The following ELOVL2 variants were observed in gnomAD, a reference collection of about 807,000 sequenced individuals.
ELOVL2 encodes the protein very long chain fatty acid elongase 2.
In ELOVL2, 38 loss-of-function variants were observed where a neutral mutation model predicts 37.7. That is an observed-to-expected ratio of 1.01 (90% CI 0.78 to 1.32). The LOEUF (loss-of-function observed/expected upper bound fraction) is 1.32, where lower values mean the gene tolerates loss of function less well. ELOVL2 is among the 40% of genes most tolerant of loss of function. The pLI is 0.00. For missense variants in ELOVL2, 352 were observed against 363.6 expected, an observed-to-expected ratio of 0.97 and a Z score of 0.26; for synonymous variants, 115 against 122.3, an observed-to-expected ratio of 0.94 and a Z score of 0.40.
chr6:11,025,096 A>G (rs936099745), intron 1 of ELOVL2, among the ~76,000 whole-genome samples: 19 of 152,122 alleles, frequency 1.2e-4, no homozygotes, highest in Non-Finnish European at 1.0e-4. Context: ...CAACGGCGTA[A>G]TCTCATAAAT....
chr6:11,020,338 C>T (rs1782747873), intron 1 of ELOVL2, among the ~76,000 whole-genome samples: 2 of 152,250 alleles, frequency 1.3e-5, no homozygotes, highest in African/African-American at 4.8e-5. Context: ...AAATTTTCAT[C>T]AAATACTTAT....
At chr6:10,992,124 A>C (rs1455947314) in intron 5 of ELOVL2, among the ~76,000 whole-genome samples, 2 of 152,346 alleles carry the variant, frequency 1.3e-5, no homozygotes, top group East Asian at 3.9e-4. Context: ...AACTAAACTC[A>C]AGAAATGGAT....
intron 1 of ELOVL2, among the ~76,000 whole-genome samples, chr6:11,033,054 C>G (rs1017676134): frequency 6.6e-6 from 1 of 152,122 alleles, no homozygotes; most frequent in Non-Finnish European, 1.5e-5. Context: ...GCCTTTTCTT[C>G]GACCAGTCCC....
rs758207633 is a variant in ELOVL2 at position 11,000,089 on chromosome 6, G to A, written c.331C>T (p.Arg111Trp). Residue 111 changes from arginine to tryptophan, a missense_variant and splice_region_variant, in exon 4 of 8, where the codon CGG becomes TGG. Physicochemically the swap from Arg to Trp is moderately radical, Grantham distance 101. Coordinates refer to ENST00000354666, the MANE Select transcript of ELOVL2 (RefSeq NM_017770.4). ...TTGATTTGCTTCTAGTGGCTCACCC[G>A]GATGTCAGCTTCCCCTGCGCTGGTA... Reference protein sequence around the residue: ...DLTSAGEADIRVAKVLWWYYF... With the variant: ...DLTSAGEADIWVAKVLWWYYF... 1.5e-5 allele frequency: 24 copies of A among 1,613,810 alleles called. No homozygotes were observed. The highest frequency in any genetic ancestry group is 1.3e-4 in the East Asian group (6 of 44,890).
intron 4 of ELOVL2, among the ~76,000 whole-genome samples, chr6:10,995,444 C>G (rs1387698014): frequency 6.6e-6 from 1 of 152,116 alleles, no homozygotes; most frequent in Non-Finnish European, 1.5e-5. Context: ...TTCATGACTC[C>G]TGGCTTGAAC....
chr6:11,034,874 G>A (rs563586022), intron 1 of ELOVL2, among the ~76,000 whole-genome samples: 6 of 147,240 alleles, frequency 4.1e-5, no homozygotes, highest in East Asian at 2.1e-4. Context: ...GTGGTGGCAT[G>A]CGCCTGTAAT....
chr6:10,999,964 AT>A lies in ELOVL2; in HGVS notation c.333+122del, dbSNP rs1782350612. The A allele has an allele frequency of 7.3e-6, 6 of 818,582 alleles. No homozygotes were observed. In the South Asian group the frequency reaches 9.6e-5, roughly 13 times the overall value. 50.7% of individuals were successfully genotyped at this position (818,582 alleles called of 1,614,324 possible). ...ATCATCTTTGTTACCAAGCATTTCT[AT>A]TAGAACAGGAACCCCTTTCTTATCT... On this transcript the variant is annotated intron_variant, in intron 4 of 7. Coordinates refer to ENST00000354666, the MANE Select transcript of ELOVL2 (RefSeq NM_017770.4).
chr6:10,998,029 C>T (rs557569912), intron 4 of ELOVL2, among the ~76,000 whole-genome samples: 20 of 152,090 alleles, frequency 1.3e-4, no homozygotes, highest in African/African-American at 3.4e-4. Context: ...GGCTTGGTGC[C>T]CCTCCTGTGG....
intron 7 of ELOVL2, among the ~76,000 whole-genome samples, chr6:10,987,493 T>C (rs1490454074): frequency 6.6e-6 from 1 of 152,232 alleles, no homozygotes; most frequent in Non-Finnish European, 1.5e-5. Context: ...TTTAGTACTA[T>C]AAATTTCCCT....
intron 1 of ELOVL2, among the ~76,000 whole-genome samples, chr6:11,042,370 C>T (rs1276198454): frequency 6.7e-6 from 1 of 150,232 alleles, no homozygotes; most frequent in Admixed American, 6.7e-5. Context: ...AAAAAAAATT[C>T]CTCTGAAGAC....
rs5874300 is a variant in ELOVL2, at chr6:10,990,673, C to CG, written c.506-232_506-231insC. Among the ~76,000 whole-genome samples the CG allele has an allele frequency of 9.9e-3, 1,495 of 150,688 alleles. 12 individuals are homozygous for CG. Among genetic ancestry groups the CG allele is most frequent in the Non-Finnish European group, 0.015 (994 of 67,856 alleles). On this transcript the variant is annotated intron_variant, in intron 5 of 7. Coordinates refer to ENST00000354666, the MANE Select transcript of ELOVL2 (RefSeq NM_017770.4). ...TGGGATGGTTTTTCAGAATGCCCCC[C>CG]CCCCGCCACACAGGGGAACACCTTA...
chr6:11,036,299 G>A (rs1282605068), intron 1 of ELOVL2, among the ~76,000 whole-genome samples: 1 of 152,208 alleles, frequency 6.6e-6, no homozygotes. Flanking sequence ...TTTTTTAACA[G>A]AGAAACATGG....
intron 1 of ELOVL2, among the ~76,000 whole-genome samples, chr6:11,027,716 A>C (rs60376022): frequency 0.54 from 82,418 of 151,388 alleles, 23,582 homozygotes; most frequent in East Asian, 0.9. Context: ...AGCCTAAGAT[A>C]AGGAAATTCA....
chr6:11,032,410 G>GTTTAATC (rs1313559192), intron 1 of ELOVL2, among the ~76,000 whole-genome samples: 1 of 150,766 alleles, frequency 6.6e-6, no homozygotes, highest in Non-Finnish European at 1.5e-5. Context: ...ATAAATTTAG[G>GTTTAATC]TTTAATCCTT....
intron 5 of ELOVL2, among the ~76,000 whole-genome samples, chr6:10,992,615 C>A (rs1782183260): frequency 6.6e-6 from 1 of 151,448 alleles, no homozygotes; most frequent in Admixed American, 6.6e-5. Context: ...ATGATGAAAC[C>A]CCGTCTCTAT....
chr6:11,021,755 AGT>A (rs1782767880), intron 1 of ELOVL2, among the ~76,000 whole-genome samples: 1 of 152,218 alleles, frequency 6.6e-6, no homozygotes, highest in South Asian at 2.1e-4. Context: ...GCAGTTTTCT[AGT>A]GTGTTATAGG....
chr6:11,011,808 G>A (rs766204096), intron 1 of ELOVL2, among the ~76,000 whole-genome samples: 4 of 152,058 alleles, frequency 2.6e-5, no homozygotes, highest in Non-Finnish European at 5.9e-5. Context: ...CAAAATACCC[G>A]TTCAGGTATT....
At chr6:11,025,871 T>C (rs1782831861) in intron 1 of ELOVL2, among the ~76,000 whole-genome samples, 1 of 152,240 alleles carries the variant, frequency 6.6e-6, no homozygotes, top group East Asian at 1.9e-4. Context: ...TAATGCTTTT[T>C]AGAACTGTAT....
At chr6:11,007,905 G>A (rs1782507088) in intron 2 of ELOVL2, among the ~76,000 whole-genome samples, 1 of 152,148 alleles carries the variant, frequency 6.6e-6, no homozygotes, top group Admixed American at 6.5e-5. Context: ...TTGTCACAGT[G>A]CTGTAAATGT....
Sources: gnomAD v4.1 joint callset for allele counts (sites outside exome capture counted in the v4.1 genomes callset) on GRCh38, gnomAD v4.1.1 for gene constraint, MANE v1.5 for transcripts, NCBI Gene and HGNC (gene_info 2026-07-23, HGNC 2026-07-21) for gene names.